Variants in GPHN observed in about 807,000 individuals in gnomAD.
GPHN encodes the protein gephyrin.
In GPHN, 17 loss-of-function variants were observed where a neutral mutation model predicts 95.5. The observed-to-expected ratio is 0.18, with a 90% confidence interval of 0.12 to 0.27. GPHN has a LOEUF of 0.27. Among genes scored for constraint, GPHN ranks in the 10% least tolerant of loss-of-function variants. GPHN has a pLI of 1.00. For synonymous variants in GPHN, 320 were observed against 322.5 expected (o/e 0.99, Z 0.08); for missense variants, 660 against 978.1 (o/e 0.67, Z 4.34).
chr14:66,620,349 A>T lies in GPHN; in HGVS notation c.65-60758A>T, dbSNP rs797013091. On this transcript the variant is annotated intron_variant, in intron 1 of 22. Coordinates refer to ENST00000478722, the MANE Select transcript of GPHN (RefSeq NM_020806.5). ...AGACATACCTGAGACTGGGCAATTT[A>T]CAAAAGAAAGAGATTTAATGGACTT... 5.9e-5 allele frequency among the ~76,000 whole-genome samples: 9 copies of T among 152,278 alleles called. 1 individual carries two copies. Among genetic ancestry groups the T allele is most frequent in the African/African-American group, 2.2e-4 (9 of 41,556 alleles).
chr14:67,016,895 A>G (rs914444042), intron 9 of GPHN, among the ~76,000 whole-genome samples: 7 of 152,166 alleles, frequency 4.6e-5, no homozygotes, highest in African/African-American at 1.4e-4. Flanking sequence ...TCATAAAGAT[A>G]ATAAGAACAA....
chr14:67,132,395 T>C (rs765799729), intron 17 of GPHN, among the ~76,000 whole-genome samples: 2 of 152,202 alleles, frequency 1.3e-5, no homozygotes, highest in Non-Finnish European at 2.9e-5. Context: ...GCTCTCCTTA[T>C]GGCATGAACC....
At chr14:67,214,278 T>C in the GPHN span, among the ~76,000 whole-genome samples, 5 of 152,078 alleles carry the variant, frequency 3.3e-5, no homozygotes, top group African/African-American at 7.2e-5. Context: ...AGGTTTTCTT[T>C]TAGGGTTTTT....
At chr14:67,730,040 A>C in the GPHN span, among the ~76,000 whole-genome samples, 1 of 152,174 alleles carries the variant, frequency 6.6e-6, no homozygotes, top group Non-Finnish European at 1.5e-5. Flanking sequence ...GTCTGATGAG[A>C]GGGGAATGGA....
chr14:66,767,980 CAATAT>C (rs1224442150), intron 2 of GPHN, among the ~76,000 whole-genome samples: 2 of 151,586 alleles, frequency 1.3e-5, no homozygotes, highest in Non-Finnish European at 3.0e-5. Flanking sequence ...AAGTTCAAAA[CAATAT>C]AAATAATAGT....
the GPHN span, among the ~76,000 whole-genome samples, chr14:67,339,338 A>G: frequency 6.6e-6 from 1 of 152,106 alleles, no homozygotes; most frequent in South Asian, 2.1e-4. Flanking sequence ...CCATTCTCGA[A>G]TGGAACAGAT....
chr14:67,326,972 T>G, the GPHN span, among the ~76,000 whole-genome samples: 1 of 151,960 alleles, frequency 6.6e-6, no homozygotes, highest in African/African-American at 2.4e-5. Context: ...GTGAGGAGTT[T>G]GAGACCAGCC....
At chr14:66,751,139 G>A (rs540243856) in intron 2 of GPHN, among the ~76,000 whole-genome samples, 1 of 152,004 alleles carries the variant, frequency 6.6e-6, no homozygotes, top group African/African-American at 2.4e-5. Flanking sequence ...CTTGTGAATG[G>A]TGCTGCAGTG....
chr14:66,928,669 T>A (rs2066616989), intron 8 of GPHN, among the ~76,000 whole-genome samples: 1 of 152,176 alleles, frequency 6.6e-6, no homozygotes, highest in Non-Finnish European at 1.5e-5. Flanking sequence ...GTATAAACTT[T>A]CCTCTTAGTA....
chr14:67,645,603 C>T, the GPHN span: 2 of 1,590,836 alleles, frequency 1.3e-6, no homozygotes, highest in South Asian at 2.3e-5. Flanking sequence ...GTCATGTTTG[C>T]CAAGCAGAGG....
intron 13 of GPHN, among the ~76,000 whole-genome samples, chr14:67,103,099 A>C (rs2077810050): frequency 6.6e-6 from 1 of 151,982 alleles, no homozygotes; most frequent in Non-Finnish European, 1.5e-5. Flanking sequence ...TTTTTTCTTG[A>C]GACAGAGTCT....
chr14:67,618,005 C>G, the GPHN span, among the ~76,000 whole-genome samples: 5 of 152,188 alleles, frequency 3.3e-5, no homozygotes, highest in African/African-American at 4.8e-5. Context: ...AGGTGTGAGC[C>G]ACCGCGCCCA....
intron 3 of GPHN, among the ~76,000 whole-genome samples, chr14:66,795,264 C>T (rs913325988): frequency 2.0e-5 from 3 of 152,098 alleles, no homozygotes; most frequent in African/African-American, 7.2e-5. Context: ...TACAACCAGT[C>T]TATTTTGCTT....
At chr14:66,770,889 G>A (rs1046752608) in intron 2 of GPHN, among the ~76,000 whole-genome samples, 3 of 152,070 alleles carry the variant, frequency 2.0e-5, no homozygotes, top group Admixed American at 1.3e-4. Context: ...GTGTGTGTGT[G>A]TAGGAAAAAA....
At chr14:66,617,671 G>C (rs1305431532) in intron 1 of GPHN, among the ~76,000 whole-genome samples, 1 of 152,106 alleles carries the variant, frequency 6.6e-6, no homozygotes, top group East Asian at 1.9e-4. Context: ...GTCTTAATCA[G>C]ATTAAGGAAT....
At chr14:67,380,571 A>C in the GPHN span, 42 of 588,574 alleles carry the variant, frequency 7.1e-5, no homozygotes, top group East Asian at 1.2e-3. Flanking sequence ...ATGCTTAACT[A>C]TTATATGCAT....
intron 19 of GPHN, among the ~76,000 whole-genome samples, chr14:67,161,840 T>G (rs1475856834): frequency 6.6e-6 from 1 of 152,246 alleles, no homozygotes; most frequent in Non-Finnish European, 1.5e-5. Context: ...GTTATTTGTG[T>G]AATATCTATC....
the GPHN span, among the ~76,000 whole-genome samples, chr14:67,554,834 C>T: frequency 6.6e-6 from 1 of 152,340 alleles, no homozygotes; most frequent in South Asian, 2.1e-4. Flanking sequence ...GCTTGGGCCA[C>T]TTGGTGTAAT....
At chr14:67,431,391 CAAAAAAAAAAAAA>C in the GPHN span, among the ~76,000 whole-genome samples, 12 of 77,470 alleles carry the variant, frequency 1.5e-4, no homozygotes, top group South Asian at 4.5e-4. Flanking sequence ...GACTCTGTCT[CAAAAAAAAAAAAA>C]AAAAAAAAAA....
Sources: allele counts gnomAD v4.1 joint callset (sites outside exome capture counted in the v4.1 genomes callset), GRCh38; gene constraint gnomAD v4.1.1; transcripts MANE v1.5; gene names NCBI Gene and HGNC (gene_info 2026-07-23, HGNC 2026-07-21).